The following CNTN5 variants were observed in gnomAD, a reference collection of about 807,000 sequenced individuals.
CNTN5 encodes the protein contactin-5.
CNTN5 carries 77 observed loss-of-function variants against 129.1 expected under a neutral mutation model. The ratio of observed to expected loss-of-function variants is 0.60; its 90% confidence interval spans 0.50 to 0.72. The LOEUF (loss-of-function observed/expected upper bound fraction) is 0.72, where lower values mean the gene tolerates loss of function less well. Among genes scored for constraint, CNTN5 ranks in the 30% least tolerant of loss-of-function variants. The pLI is 0.00. For synonymous variants in CNTN5, 509 were observed against 465.6 expected (o/e 1.09, Z -1.20); for missense variants, 1,478 against 1,328.8 (o/e 1.11, Z -1.75).
At chr11:99,825,506 A>T (rs983680618) in intron 4 of CNTN5, among the ~76,000 whole-genome samples, 1 of 150,434 alleles carries the variant, frequency 6.6e-6, no homozygotes, top group African/African-American at 2.4e-5. Flanking sequence ...TAACATCACT[A>T]TCTATAGTCA....
intron 9 of CNTN5, among the ~76,000 whole-genome samples, chr11:100,058,568 C>A (rs1943335062): frequency 6.6e-6 from 1 of 152,058 alleles, no homozygotes; most frequent in Non-Finnish European, 1.5e-5. Context: ...ATGCAAGGTT[C>A]ATCCTTTCTG....
chr11:100,044,059 C>T (rs1942520745), intron 9 of CNTN5, among the ~76,000 whole-genome samples: 1 of 140,328 alleles, frequency 7.1e-6, no homozygotes. Flanking sequence ...CCCTCCCACT[C>T]TTCCCAGTCT....
At chr11:99,115,548 A>G (rs2135393258) in intron 1 of CNTN5, among the ~76,000 whole-genome samples, 1 of 152,160 alleles carries the variant, frequency 6.6e-6, no homozygotes, top group African/African-American at 2.4e-5. Flanking sequence ...TCACCTCAGG[A>G]GAGGAGTTTG....
At chr11:99,646,058 A>C (rs1332854410) in intron 3 of CNTN5, among the ~76,000 whole-genome samples, 2 of 152,198 alleles carry the variant, frequency 1.3e-5, no homozygotes, top group African/African-American at 4.8e-5. Flanking sequence ...TCACTAGTGC[A>C]GTTAATTTGT....
chr11:100,277,693 A>G (rs1950544826), intron 18 of CNTN5, among the ~76,000 whole-genome samples: 1 of 151,260 alleles, frequency 6.6e-6, no homozygotes, highest in South Asian at 2.1e-4. Context: ...TACATAATTG[A>G]CTTCTTTATA....
chr11:100,280,613 C>T (rs1011955936), intron 18 of CNTN5, among the ~76,000 whole-genome samples: 10 of 151,782 alleles, frequency 6.6e-5, no homozygotes, highest in Non-Finnish European at 1.2e-4. Flanking sequence ...CAGGTTATTG[C>T]GTATTATTTT....
intron 8 of CNTN5, among the ~76,000 whole-genome samples, chr11:99,983,880 G>A (rs1258913196): frequency 6.6e-6 from 1 of 152,116 alleles, no homozygotes; most frequent in Non-Finnish European, 1.5e-5. Flanking sequence ...GGGTTAGATA[G>A]GAGCATTCAG....
intron 17 of CNTN5, among the ~76,000 whole-genome samples, chr11:100,261,044 A>T (rs1239341755): frequency 6.6e-6 from 1 of 152,086 alleles, no homozygotes; most frequent in Non-Finnish European, 1.5e-5. Flanking sequence ...TATTTAGAAA[A>T]CCCCATTGTC....
chr11:99,215,520 A>C (rs906631882), intron 1 of CNTN5, among the ~76,000 whole-genome samples: 5 of 152,176 alleles, frequency 3.3e-5, no homozygotes, highest in Non-Finnish European at 7.4e-5. Context: ...TGGTTTGAGC[A>C]GCTGAGGGGA....
At chr11:99,665,417 T>C (rs547029045) in intron 3 of CNTN5, among the ~76,000 whole-genome samples, 6 of 150,838 alleles carry the variant, frequency 4.0e-5, no homozygotes, top group Non-Finnish European at 2.9e-5. Context: ...AATGATACTA[T>C]AGGAATAATT....
At chr11:99,912,635 G>A (rs1166809392) in intron 6 of CNTN5, among the ~76,000 whole-genome samples, 2 of 123,362 alleles carry the variant, frequency 1.6e-5, no homozygotes, top group African/African-American at 6.2e-5. Context: ...ATTATTGTAT[G>A]TTTTTCATAG....
At chr11:100,180,815 A>C (rs1948115352) in intron 13 of CNTN5, among the ~76,000 whole-genome samples, 1 of 152,040 alleles carries the variant, frequency 6.6e-6, no homozygotes, top group African/African-American at 2.4e-5. Context: ...AAATGAGCAG[A>C]AGATATGAAG....
At chr11:100,077,064 T>C (rs1451199761) in intron 13 of CNTN5, among the ~76,000 whole-genome samples, 6 of 152,178 alleles carry the variant, frequency 3.9e-5, no homozygotes, top group Non-Finnish European at 8.8e-5. Context: ...GCCTATATTT[T>C]ACATTCTTTA....
At chr11:99,713,888 G>C (rs1955107905) in intron 3 of CNTN5, among the ~76,000 whole-genome samples, 1 of 151,832 alleles carries the variant, frequency 6.6e-6, no homozygotes, top group Non-Finnish European at 1.5e-5. Flanking sequence ...CTGCATAGCT[G>C]AGCAAAAAAT....
intron 6 of CNTN5, among the ~76,000 whole-genome samples, chr11:99,874,222 T>A (rs1478443987): frequency 6.6e-6 from 1 of 152,202 alleles, no homozygotes; most frequent in African/African-American, 2.4e-5. Context: ...AAAAAAGATA[T>A]GTCTGTTTAA....
At position 100,193,573 on chromosome 11, in the gene CNTN5, T is replaced by C. The variant is rs201747412; in HGVS notation, c.1794T>C (p.Asp598=). The C allele has an allele frequency of 1.3e-3, 2,044 of 1,611,820 alleles. 4 individuals are homozygous for C. The highest frequency in any genetic ancestry group is 1.6e-3 in the Non-Finnish European group (1,907 of 1,178,630). ...SIVLNCKAIH[D]ASLDVTFYWT... is the part of the protein sequence containing the mutation. ...TCCTTAATTGCAAAGCAATTCACGA[T>C]GCTAGTTTGGATGTCACTTTCTACT... is the stretch of plus-strand genomic sequence containing the variant. Residue 598 remains aspartate, a synonymous_variant, in exon 15 of 25, where the codon GAT becomes GAC. Transcript: ENST00000524871.
At chr11:99,997,483 C>A (rs1452779643) in intron 8 of CNTN5, among the ~76,000 whole-genome samples, 1 of 152,158 alleles carries the variant, frequency 6.6e-6, no homozygotes, top group Non-Finnish European at 1.5e-5. Flanking sequence ...AATAGACCAA[C>A]AACAGGAGCT....
chr11:99,117,743 G>C (rs1047019276), intron 1 of CNTN5, among the ~76,000 whole-genome samples: 3 of 152,168 alleles, frequency 2.0e-5, no homozygotes, highest in Non-Finnish European at 2.9e-5. Flanking sequence ...GAAAGTGTGA[G>C]AGAGGCCACA....
intron 2 of CNTN5, among the ~76,000 whole-genome samples, chr11:99,546,676 A>C (rs2135510677): frequency 6.6e-6 from 1 of 152,240 alleles, no homozygotes; most frequent in South Asian, 2.1e-4. Flanking sequence ...TTATTTATTT[A>C]TGATGGTGTT....
Sources: allele counts gnomAD v4.1 joint callset (sites outside exome capture counted in the v4.1 genomes callset), GRCh38; gene constraint gnomAD v4.1.1; transcripts MANE v1.5; gene names NCBI Gene and HGNC (gene_info 2026-07-23, HGNC 2026-07-21).